The following DDHD1 variants were observed in gnomAD, a reference collection of about 807,000 sequenced individuals.
The protein encoded by DDHD1 is phospholipase DDHD1.
Under a neutral mutation model 96.4 loss-of-function variants are expected in DDHD1, and 49 were observed. The observed-to-expected ratio is 0.51, with a 90% CI of 0.40 to 0.64. The LOEUF (loss-of-function observed/expected upper bound fraction) is 0.64, where lower values mean the gene tolerates loss of function less well. Among genes scored for constraint, DDHD1 ranks in the 30% least tolerant of loss-of-function variants. The pLI, the probability that DDHD1 is intolerant of heterozygous loss-of-function variation, is 0.00. For missense variants in DDHD1, 1,106 were observed against 1,161.2 expected, an observed-to-expected ratio of 0.95 and a Z score of 0.69; for synonymous variants, 442 against 446.5, an observed-to-expected ratio of 0.99 and a Z score of 0.13.
rs530106819 is a variant in DDHD1 at position 53,152,155 on chromosome 14, C to T, written c.838+106G>A. ...CATCCTGCCCCAGCCAAACGCCAGG[C>T]CTCACGCGCCTCCCTCTTCGCGGCG... On this transcript the variant is annotated intron_variant, in intron 1 of 12. Transcript: ENST00000673822. The T allele has an allele frequency of 4.7e-5, 54 of 1,142,718 alleles. No homozygotes were observed. In the East Asian group the frequency reaches 1.4e-3, roughly 30 times the overall value. 70.8% of individuals were successfully genotyped at this position (1,142,718 alleles called of 1,614,324 possible).
intron 8 of DDHD1, among the ~76,000 whole-genome samples, chr14:53,058,964 C>T (rs1390602936): frequency 1.3e-5 from 2 of 152,060 alleles, no homozygotes; most frequent in African/African-American, 4.8e-5. Flanking sequence ...ATATAAAGAC[C>T]AGTAAGACAC....
chr14:53,139,850 A>C (rs962923456), intron 1 of DDHD1, among the ~76,000 whole-genome samples: 157 of 152,104 alleles, frequency 1.0e-3, no homozygotes, highest in African/African-American at 3.6e-3. Context: ...CCACAAAAAA[A>C]AAAAAAAAAA....
chr14:53,068,586 C>T (rs1884247929), intron 6 of DDHD1, among the ~76,000 whole-genome samples: 1 of 152,072 alleles, frequency 6.6e-6, no homozygotes. Flanking sequence ...AGTCTCATTG[C>T]TACTTTTTAT....
intron 5 of DDHD1, among the ~76,000 whole-genome samples, chr14:53,073,461 A>G (rs2139916530): frequency 6.6e-6 from 1 of 152,160 alleles, no homozygotes; most frequent in Non-Finnish European, 1.5e-5. Context: ...TTTTGTTCCC[A>G]CTATATCCCT....
At chr14:53,080,574 C>T (rs181127230) in intron 4 of DDHD1, among the ~76,000 whole-genome samples, 84 of 151,992 alleles carry the variant, frequency 5.5e-4, no homozygotes, top group African/African-American at 2.0e-3. Flanking sequence ...TTTTCCTAGA[C>T]AATATATTTA....
Position 53,152,719 on chromosome 14 carries a change from G to A in DDHD1, c.380C>T (p.Pro127Leu), listed in dbSNP as rs762391016. 2 of 1,605,702 alleles carry A rather than the reference G, an allele frequency of 1.2e-6. No homozygotes were observed. The highest frequency in any genetic ancestry group is 1.7e-6 in the Non-Finnish European group (2 of 1,176,068). Residue 127 changes from proline to leucine, a missense_variant, in exon 1 of 13, where the codon CCG (proline) becomes CTG (leucine). Around this residue, in one of 2 missense-constraint regions of DDHD1, gnomAD observed 456 missense variants for 402.4 expected, o/e 1.13. Transcript: ENST00000673822. ...LHPPQQPPLV[P>L]TNSGGGGATG... ...CGCGCCGCCGCCCCCCGAGTTCGTC[G>A]GGACCAGCGGAGGCTGCTGCGGCGG...
At position 53,136,317 on chromosome 14, in the gene DDHD1, G is replaced by T. The variant is rs528339245; in HGVS notation, c.838+15944C>A. Among the ~76,000 whole-genome samples the T allele has an allele frequency of 4.5e-4, 68 of 152,314 alleles. No individual in the cohort carries two copies. In the South Asian group the frequency reaches 0.014, roughly 31 times the overall value. Reference sequence around the variant, plus strand: ...GTTTTGGTGGTCTCTTCACACGGACGCATGAGACAGTACAAGCTTAGTGCC... The same window carrying T: ...GTTTTGGTGGTCTCTTCACACGGACTCATGAGACAGTACAAGCTTAGTGCC... On this transcript the variant is annotated intron_variant, in intron 1 of 12. Coordinates refer to ENST00000673822, the MANE Select transcript of DDHD1 (RefSeq NM_001160148.2).
intron 4 of DDHD1, among the ~76,000 whole-genome samples, chr14:53,090,171 G>A (rs1006080637): frequency 2.7e-4 from 41 of 152,252 alleles, no homozygotes; most frequent in Admixed American, 1.8e-3. Flanking sequence ...AAACCACAAT[G>A]AGATACCATC....
chr14:53,083,552 C>T (rs1415153865), intron 4 of DDHD1, among the ~76,000 whole-genome samples: 1 of 152,154 alleles, frequency 6.6e-6, no homozygotes, highest in East Asian at 1.9e-4. Context: ...TAATCATTAG[C>T]AAGTTTGCTA....
At chr14:53,069,120 T>G (rs1328033593) in intron 6 of DDHD1, among the ~76,000 whole-genome samples, 2 of 152,224 alleles carry the variant, frequency 1.3e-5, no homozygotes, top group Non-Finnish European at 2.9e-5. Context: ...CCTGTGTTCT[T>G]GTGACCTACC....
chr14:53,143,198 C>G (rs974263455), intron 1 of DDHD1, among the ~76,000 whole-genome samples: 1 of 152,188 alleles, frequency 6.6e-6, no homozygotes, highest in Non-Finnish European at 1.5e-5. Flanking sequence ...AAGTCTGGAT[C>G]CAGTGGTCCT....
chr14:53,050,047 T>G (rs1364145089), intron 12 of DDHD1, among the ~76,000 whole-genome samples: 1 of 151,864 alleles, frequency 6.6e-6, no homozygotes, highest in Non-Finnish European at 1.5e-5. Context: ...AGACATATAA[T>G]AAGTAATTAT....
intron 1 of DDHD1, among the ~76,000 whole-genome samples, chr14:53,151,777 CT>C (rs1280679327): frequency 1.3e-5 from 2 of 152,230 alleles, no homozygotes; most frequent in Non-Finnish European, 2.9e-5. Flanking sequence ...AACCTATCTC[CT>C]TTCCCTCCAG....
intron 12 of DDHD1, among the ~76,000 whole-genome samples, chr14:53,049,966 A>G (rs998470306): frequency 6.6e-6 from 1 of 152,208 alleles, no homozygotes; most frequent in Non-Finnish European, 1.5e-5. Context: ...GAATCTCCAT[A>G]GTGTGAAGGT....
At position 53,037,883 on chromosome 14, in the gene DDHD1, C is replaced by T. The variant is rs1353815589; in HGVS notation, c.*8885G>A. 6.6e-6 allele frequency: 1 copy of T among 152,066 alleles called. No individual in the cohort carries two copies. Among genetic ancestry groups the T allele is most frequent in the African/African-American group, 2.4e-5 (1 of 41,414 alleles). The allele number at this position is 152,066 out of a possible 1,614,324, so 9.4% of individuals were successfully genotyped here. ...GAGGTCTTACATTTAAATCTTTAATCCATCTTGAGTTAATTTTCATATACG... is the reference window on the plus strand; with the variant it reads ...GAGGTCTTACATTTAAATCTTTAATTCATCTTGAGTTAATTTTCATATACG... On this transcript the variant is annotated 3_prime_UTR_variant, in exon 13 of 13. Transcript: ENST00000673822.
At position 53,058,691 on chromosome 14, in the gene DDHD1, G is replaced by C. The variant is rs940958754; in HGVS notation, c.1843-65C>G. On this transcript the variant is annotated intron_variant, in intron 8 of 12. Coordinates refer to ENST00000673822, the MANE Select transcript of DDHD1 (RefSeq NM_001160148.2). Reference sequence around the variant, plus strand: ...AGTGTTATCTTTCAACAAAATTTGGGCATAACGTAATATATGGCAAAATAC... The same window carrying C: ...AGTGTTATCTTTCAACAAAATTTGGCCATAACGTAATATATGGCAAAATAC... 2.7e-6 allele frequency: 4 copies of C among 1,473,200 alleles called. No individual in the cohort carries two copies. The African/African-American group carries it at 4.3e-5, about 16-fold the overall frequency. 91.3% of individuals were successfully genotyped at this position (1,473,200 alleles called of 1,614,324 possible).
At chr14:53,099,458 T>G (rs754135913) in intron 2 of DDHD1, among the ~76,000 whole-genome samples, 1 of 152,224 alleles carries the variant, frequency 6.6e-6, no homozygotes, top group Admixed American at 6.5e-5. Context: ...TTTCATGACC[T>G]TGACACTTTT....
chr14:53,111,142 TA>T (rs1182157570), intron 1 of DDHD1, among the ~76,000 whole-genome samples: 1 of 152,114 alleles, frequency 6.6e-6, no homozygotes, highest in African/African-American at 2.4e-5. Flanking sequence ...CATGTGTGAG[TA>T]GGAATACATT....
chr14:53,105,068 G>A (rs2139729952), intron 1 of DDHD1, among the ~76,000 whole-genome samples: 1 of 151,882 alleles, frequency 6.6e-6, no homozygotes, highest in East Asian at 1.9e-4. Context: ...TAGATTTTAA[G>A]CATAAGACAA....
Sources: allele counts gnomAD v4.1 joint callset (sites outside exome capture counted in the v4.1 genomes callset), GRCh38; gene constraint gnomAD v4.1.1; regional missense constraint gnomAD v4.1.1; transcripts MANE v1.5; gene names NCBI Gene and HGNC (gene_info 2026-07-23, HGNC 2026-07-21).